Variants in JRK observed in about 807,000 individuals in gnomAD.
JRK encodes the protein jerky protein homolog.
For synonymous variants in JRK, 303 were observed against 218.1 expected (o/e 1.39, Z -3.43); for missense variants, 720 against 509.2 (o/e 1.41, Z -3.98).
chr8:142,662,032 C>T lies in JRK; in HGVS notation c.*2320G>A. ...AGGAGGGGCTGCAGGAGGAGCAGGGCCCGAGTCCCCTGGGTGGCACAAGGG... is the reference window on the plus strand; with the variant it reads ...AGGAGGGGCTGCAGGAGGAGCAGGGTCCGAGTCCCCTGGGTGGCACAAGGG... On this transcript the variant is annotated 3_prime_UTR_variant, in exon 2 of 2. Coordinates refer to ENST00000612905, the MANE Select transcript of JRK (RefSeq NM_003724.4). 1.0e-6 allele frequency: 1 copy of T among 985,420 alleles called. No individual in the cohort carries two copies. The highest frequency in any genetic ancestry group is 1.2e-6 in the Non-Finnish European group (1 of 829,984). 61.0% of individuals were successfully genotyped at this position (985,420 alleles called of 1,614,324 possible). A position where few individuals can be genotyped will look rare whatever the true frequency, so the allele number is the denominator to read the frequency against.
chr8:142,664,636 C>G lies in JRK; in HGVS notation c.1423G>C (p.Gly475Arg). 1.2e-6 allele frequency: 2 copies of G among 1,611,364 alleles called. No homozygotes were observed. The highest frequency in any genetic ancestry group is 1.7e-6 in the Non-Finnish European group (2 of 1,179,358). ...TCGCCCTCACCAGGATCTCCTCTGC[C>G]GTCCTGGTCAGCTTTCGGAGTCTTT... is the stretch of plus-strand genomic sequence containing the variant. ...SEKTPKADQD[G>R]RGDPGEGEEV... The change falls in exon 2 of 2, where the codon GGC becomes CGC. Residue 475 changes from glycine to arginine, a missense_variant. Coordinates refer to ENST00000612905, the MANE Select transcript of JRK (RefSeq NM_003724.4).
the JRK span, among the ~76,000 whole-genome samples, chr8:142,645,738 C>T: frequency 1.3e-5 from 2 of 152,042 alleles, no homozygotes; most frequent in African/African-American, 4.8e-5. Context: ...CCATTCATGA[C>T]ATGCTTGGAC....
At chr8:142,655,002 T>C (rs1191549004), downstream of JRK, among the ~76,000 whole-genome samples, 1 of 152,078 alleles carries the variant, frequency 6.6e-6, no homozygotes, top group African/African-American at 2.4e-5. Context: ...TGAGGAGGCC[T>C]CCCCTGCTCA....
rs1846910746 is a variant in JRK at position 142,661,374 on chromosome 8, G to C, written c.*2978C>G. 2 of 985,506 alleles carry C rather than the reference G, an allele frequency of 2.0e-6. No individual in the cohort carries two copies. The highest frequency in any genetic ancestry group is 2.4e-6 in the Non-Finnish European group (2 of 829,970). The allele number at this position is 985,506 out of a possible 1,614,324, so 61.0% of individuals were successfully genotyped here. On this transcript the variant is annotated 3_prime_UTR_variant, in exon 2 of 2. Transcript: ENST00000612905. ...GCATCCCGAGGGATGGGAGCTCCCA[G>C]AGTGGAGGCTGCCTGTCCCGAGTGA...
chr8:142,648,389 T>G, the JRK span, among the ~76,000 whole-genome samples: 1 of 152,214 alleles, frequency 6.6e-6, no homozygotes, highest in Non-Finnish European at 1.5e-5. Flanking sequence ...AAAAGTGGTT[T>G]CATGGGCCAG....
Position 142,665,622 on chromosome 8 carries a change from T to C in JRK, c.437A>G (p.Lys146Arg), listed in dbSNP as rs1554635797. The change falls in exon 2 of 2, where the codon AAA (lysine) becomes AGA (arginine). Residue 146 changes from lysine (K) to arginine (R), a missense_variant. Physicochemically the swap from Lys to Arg is conservative, Grantham distance 26. Transcript: ENST00000612905. ...LWRFKARHGI[K>R]KLDASSEKQS... ...CTTTTCACTGGATGCATCTAGCTTT[T>C]TAATGCCGTGTCTGGCCTTAAAGCG... is the stretch of plus-strand genomic sequence containing the variant. 2 of 718,438 alleles carry C rather than the reference T, an allele frequency of 2.8e-6. No individual in the cohort carries two copies. The highest frequency in any genetic ancestry group is 2.7e-5 in the East Asian group (1 of 37,306). The allele number at this position is 718,438 out of a possible 1,614,324, so 44.5% of individuals were successfully genotyped here. A position where few individuals can be genotyped will look rare whatever the true frequency, so the allele number is the denominator to read the frequency against.
chr8:142,656,064 T>C (rs587686319), downstream of JRK, among the ~76,000 whole-genome samples: 4 of 152,354 alleles, frequency 2.6e-5, no homozygotes, highest in Non-Finnish European at 4.4e-5. Context: ...ACCTTTTTCT[T>C]TTAAATCCAG....
chr8:142,668,610 GA>G (rs1357688205), intron 1 of JRK, among the ~76,000 whole-genome samples: 1 of 151,454 alleles, frequency 6.6e-6, no homozygotes, highest in Non-Finnish European at 1.5e-5. Flanking sequence ...GGGATGCAGA[GA>G]AAAGCTTCCT....
chr8:142,663,955 T>C lies in JRK; in HGVS notation c.*397A>G. 9.9e-7 allele frequency: 1 copy of C among 1,010,936 alleles called. No homozygotes were observed. The highest frequency in any genetic ancestry group is 1.2e-6 in the Non-Finnish European group (1 of 847,362). 62.6% of individuals were successfully genotyped at this position (1,010,936 alleles called of 1,614,324 possible). A position where few individuals can be genotyped will look rare whatever the true frequency, so the allele number is the denominator to read the frequency against. On this transcript the variant is annotated 3_prime_UTR_variant, in exon 2 of 2. Transcript: ENST00000612905. The stretch of plus-strand genomic sequence containing the variant: ...CGGTGGGCATGGCCTCCTGTCGGCC[T>C]GGAGGGCAACTTCTCTCCACGTGGA...
Position 142,661,390 on chromosome 8 carries a change from T to C in JRK, c.*2962A>G, listed in dbSNP as rs927157235. 3 of 985,276 alleles carry C rather than the reference T, an allele frequency of 3.0e-6. No individual in the cohort carries two copies. Among genetic ancestry groups the C allele is most frequent in the African/African-American group, 3.5e-5 (2 of 57,222 alleles). The allele number at this position is 985,276 out of a possible 1,614,324, so 61.0% of individuals were successfully genotyped here. ...GAGCTCCCAGAGTGGAGGCTGCCTGTCCCGAGTGAGGACACAGGAGCGCCC... is the reference window on the plus strand; with the variant it reads ...GAGCTCCCAGAGTGGAGGCTGCCTGCCCCGAGTGAGGACACAGGAGCGCCC... On this transcript the variant is annotated 3_prime_UTR_variant, in exon 2 of 2. Transcript: ENST00000612905.
Position 142,665,653 on chromosome 8 carries a change from G to A in JRK, c.406C>T (p.Leu136Phe), listed in dbSNP as rs1554635809. Reference sequence around the variant, plus strand: ...CCGTGTCTGGCCTTAAAGCGCCAAAGCCACCCTCCGGAGAACACGCAGGGC... The same window carrying A: ...CCGTGTCTGGCCTTAAAGCGCCAAAACCACCCTCCGGAGAACACGCAGGGC... ...TEPCVFSGGW[L>F]WRFKARHGIK... Residue 136 changes from leucine to phenylalanine, a missense_variant, in exon 2 of 2, where the codon CTT becomes TTT. By Grantham distance (22) the Leu-to-Phe change is conservative. Coordinates refer to ENST00000612905, the MANE Select transcript of JRK (RefSeq NM_003724.4). 1.4e-6 allele frequency: 1 copy of A among 719,914 alleles called. No individual in the cohort carries two copies. Among genetic ancestry groups the A allele is most frequent in the Non-Finnish European group, 2.6e-6 (1 of 386,000 alleles). The allele number at this position is 719,914 out of a possible 1,614,324, so 44.6% of individuals were successfully genotyped here. A position where few individuals can be genotyped will look rare whatever the true frequency, so the allele number is the denominator to read the frequency against.
intron 1 of JRK, among the ~76,000 whole-genome samples, chr8:142,666,910 T>C (rs1365900276): frequency 6.6e-6 from 1 of 151,784 alleles, no homozygotes; most frequent in East Asian, 1.9e-4. Flanking sequence ...CAGCCTAAGC[T>C]TCTTGCTGTA....
chr8:142,661,242 G>C lies in JRK; in HGVS notation c.*3110C>G. 1.0e-6 allele frequency: 1 copy of C among 985,584 alleles called. No homozygotes were observed. Among genetic ancestry groups the C allele is most frequent in the South Asian group, 4.7e-5 (1 of 21,288 alleles). 61.1% of individuals were successfully genotyped at this position (985,584 alleles called of 1,614,324 possible). ...CAGAAGGCCAGGCTGGCACAGGCAG[G>C]ACAGGTGTTCTGTAAACCAACCCCA... On this transcript the variant is annotated 3_prime_UTR_variant, in exon 2 of 2. Coordinates refer to ENST00000612905, the MANE Select transcript of JRK (RefSeq NM_003724.4).
chr8:142,658,943 T>G lies in JRK; in HGVS notation c.*5409A>C. The G allele has an allele frequency of 1.2e-6, 2 of 1,612,920 alleles. No homozygotes were observed. Among genetic ancestry groups the G allele is most frequent in the Non-Finnish European group, 1.7e-6 (2 of 1,179,470 alleles). On this transcript the variant is annotated 3_prime_UTR_variant, in exon 2 of 2. Coordinates refer to ENST00000612905, the MANE Select transcript of JRK (RefSeq NM_003724.4). ...TACCACATCCTCAAGGCCCACAGTC[T>G]CCTGAAACAACAGAACTTTGCTGCT... is the stretch of plus-strand genomic sequence containing the variant.
intron 1 of JRK, among the ~76,000 whole-genome samples, chr8:142,669,653 G>A (rs1204547345): frequency 6.6e-6 from 1 of 152,042 alleles, no homozygotes; most frequent in Non-Finnish European, 1.5e-5. Context: ...CTGGCGGCAA[G>A]GGGTGGGTGC....
rs1251202150 is a variant in JRK, at chr8:142,663,176, C to T, written c.*1176G>A. On this transcript the variant is annotated 3_prime_UTR_variant, in exon 2 of 2. Transcript: ENST00000612905. ...TCAAGAAAAGAAAAGGACAATGCAC[C>T]TATTTTATGCTCGCTGAAAGACGAG... 2.7e-5 allele frequency: 27 copies of T among 985,268 alleles called. No individual in the cohort carries two copies. Among genetic ancestry groups the T allele is most frequent in the Non-Finnish European group, 3.3e-5 (27 of 829,924 alleles). The allele number at this position is 985,268 out of a possible 1,614,324, so 61.0% of individuals were successfully genotyped here. A position where few individuals can be genotyped will look rare whatever the true frequency, so the allele number is the denominator to read the frequency against.
At position 142,663,616 on chromosome 8, in the gene JRK, T is replaced by G; in HGVS notation, c.*736A>C. ...CTCTATCCGGGTGATGAGCAGGGCC[T>G]GGTCAGCCACTCCTACTTTCTTCCC... On this transcript the variant is annotated 3_prime_UTR_variant, in exon 2 of 2. Transcript: ENST00000612905. 2.0e-6 allele frequency: 2 copies of G among 985,462 alleles called. No individual in the cohort carries two copies. Among genetic ancestry groups the G allele is most frequent in the Non-Finnish European group, 2.4e-6 (2 of 829,938 alleles). The allele number at this position is 985,462 out of a possible 1,614,324, so 61.0% of individuals were successfully genotyped here.
rs192137372 is a variant in JRK, at chr8:142,666,219, G to A, written c.-161C>T. ...CTGAGCACAGGCCCCAGTCCCTCTC[G>A]GGTTTCTCACTCCACACGCTGCACC... On this transcript the variant is annotated 5_prime_UTR_variant, in exon 2 of 2. Transcript: ENST00000612905. 2.3e-5 allele frequency: 30 copies of A among 1,314,634 alleles called. No homozygotes were observed. Among genetic ancestry groups the A allele is most frequent in the African/African-American group, 4.4e-5 (3 of 68,400 alleles). 81.4% of individuals were successfully genotyped at this position (1,314,634 alleles called of 1,614,324 possible).
At chr8:142,648,925 A>G in the JRK span, among the ~76,000 whole-genome samples, 1 of 152,224 alleles carries the variant, frequency 6.6e-6, no homozygotes, top group Admixed American at 6.5e-5. Context: ...GACCATGGGA[A>G]CCCACCTCTT....
Sources: gnomAD v4.1 joint callset for allele counts (sites outside exome capture counted in the v4.1 genomes callset) on GRCh38, gnomAD v4.1.1 for gene constraint, MANE v1.5 for transcripts, NCBI Gene and HGNC (gene_info 2026-07-23, HGNC 2026-07-21) for gene names.